IL33: variants seen among roughly 807,000 people sequenced by gnomAD.
IL33 encodes the protein interleukin-33.
A neutral mutation model predicts 27.3 loss-of-function variants in IL33; 37 were observed. That is an observed-to-expected ratio of 1.36 (90% CI 1.04 to 1.78). IL33 has a LOEUF of 1.78. IL33 is among the 40% of genes most tolerant of loss of function. The pLI is 0.00. For missense variants in IL33, 406 were observed against 311.4 expected, an observed-to-expected ratio of 1.30 and a Z score of -2.29; for synonymous variants, 132 against 102.9, an observed-to-expected ratio of 1.28 and a Z score of -1.71.
At position 6,229,120 on chromosome 9, in the gene IL33, G is replaced by T. The variant is rs1178055945; in HGVS notation, c.-11-12564G>T. 2.6e-5 allele frequency among the ~76,000 whole-genome samples: 4 copies of T among 152,194 alleles called. No homozygotes were observed. In the South Asian group the frequency reaches 8.3e-4, roughly 32 times the overall value. ...AGAAGGAAATAAATGAGCTAAATGA[G>T]GAACCTGTACAGGAGCACAGGAAAG... is the stretch of plus-strand genomic sequence containing the variant. On this transcript the variant is annotated intron_variant, in intron 1 of 7. Transcript: ENST00000682010.
Position 6,224,818 on chromosome 9 carries a change from T to G in IL33, c.-12+8966T>G, listed in dbSNP as rs548009731. ...CTTGCAAACTGTTTTCCTTTGTGGATCTAAGGTATGAACTTTTCAGAAAAC... is the reference window on the plus strand; with the variant it reads ...CTTGCAAACTGTTTTCCTTTGTGGAGCTAAGGTATGAACTTTTCAGAAAAC... On this transcript the variant is annotated intron_variant, in intron 1 of 7. Transcript: ENST00000682010. Among the ~76,000 whole-genome samples the G allele has an allele frequency of 3.7e-4, 56 of 152,302 alleles. No individual in the cohort carries two copies. The South Asian group carries it at 0.011, about 30-fold the overall frequency.
intron 1 of IL33, among the ~76,000 whole-genome samples, chr9:6,237,283 G>T (rs1055329283): frequency 1.3e-5 from 2 of 152,150 alleles, no homozygotes; most frequent in African/African-American, 4.8e-5. Context: ...GTCAATTTTA[G>T]TATGAAAAAA....
intron 1 of IL33, among the ~76,000 whole-genome samples, chr9:6,217,879 C>T (rs1041302231): frequency 6.8e-6 from 1 of 146,852 alleles, no homozygotes; most frequent in African/African-American, 2.4e-5. Context: ...AGGGCAAAGA[C>T]CCGTATTTCC....
chr9:6,243,924 A>G (rs946909547), intron 2 of IL33, among the ~76,000 whole-genome samples: 6 of 152,186 alleles, frequency 3.9e-5, no homozygotes, highest in Non-Finnish European at 5.9e-5. Flanking sequence ...GAAAGCACTA[A>G]TTTGACTGTG....
At position 6,257,419 on chromosome 9, in the gene IL33, C is replaced by T. The variant is rs1235303091; in HGVS notation, c.*1251C>T. 6.6e-6 allele frequency: 1 copy of T among 152,578 alleles called. No homozygotes were observed. Among genetic ancestry groups the T allele is most frequent in the Non-Finnish European group, 1.5e-5 (1 of 68,016 alleles). The allele number at this position is 152,578 out of a possible 1,614,324, so 9.5% of individuals were successfully genotyped here. A position where few individuals can be genotyped will look rare whatever the true frequency, so the allele number is the denominator to read the frequency against. On this transcript the variant is annotated 3_prime_UTR_variant, in exon 8 of 8. Transcript: ENST00000682010. The stretch of plus-strand genomic sequence containing the variant: ...ACCTCTGGATGCCAAAACGTTTATT[C>T]TGCTTTGTCTGTTGTAGAATTTTAG...
At chr9:6,225,526 T>C (rs150652056) in intron 1 of IL33, among the ~76,000 whole-genome samples, 58 of 151,964 alleles carry the variant, frequency 3.8e-4, no homozygotes, top group Middle Eastern at 3.4e-3. Context: ...AAATAAGGAG[T>C]TTTAGGCCAC....
chr9:6,250,293 A>G (rs1446450391), intron 2 of IL33, among the ~76,000 whole-genome samples, 181 bp from the exon 3 acceptor site: 1 of 152,174 alleles, frequency 6.6e-6, no homozygotes. Context: ...TGTGCACTAT[A>G]TGCTCTATAT....
At chr9:6,232,042 C>A (rs776896343) in intron 1 of IL33, among the ~76,000 whole-genome samples, 1 of 152,158 alleles carries the variant, frequency 6.6e-6, no homozygotes, top group Admixed American at 6.5e-5. Flanking sequence ...GTCCAACAGC[C>A]AACTTAACAT....
At chr9:6,225,291 G>A (rs1336882103) in intron 1 of IL33, among the ~76,000 whole-genome samples, 1 of 152,168 alleles carries the variant, frequency 6.6e-6, no homozygotes, top group African/African-American at 2.4e-5. Flanking sequence ...TCACCAAAAA[G>A]TTCCATGATA....
At chr9:6,244,436 C>T (rs1229857908) in intron 2 of IL33, among the ~76,000 whole-genome samples, 1 of 152,050 alleles carries the variant, frequency 6.6e-6, no homozygotes, top group Non-Finnish European at 1.5e-5. Context: ...TTTTTTCCTA[C>T]AGATACATAC....
At chr9:6,228,124 C>T (rs757446198) in intron 1 of IL33, among the ~76,000 whole-genome samples, 1 of 152,150 alleles carries the variant, frequency 6.6e-6, no homozygotes, top group African/African-American at 2.4e-5. Context: ...GTTCTTGGCA[C>T]ATAGTAAACA....
intron 1 of IL33, among the ~76,000 whole-genome samples, chr9:6,225,697 T>G (rs1010167932): frequency 6.6e-6 from 1 of 152,164 alleles, no homozygotes; most frequent in Non-Finnish European, 1.5e-5. Flanking sequence ...TTTATTGTCC[T>G]CAATGACTGA....
Position 6,256,668 on chromosome 9 carries a change from A to T in IL33, c.*500A>T, listed in dbSNP as rs1255272612. The T allele has an allele frequency of 4.4e-6, 1 of 225,348 alleles. No homozygotes were observed. The highest frequency in any genetic ancestry group is 8.5e-6 in the Non-Finnish European group (1 of 117,284). The allele number at this position is 225,348 out of a possible 1,614,324, so 14.0% of individuals were successfully genotyped here. A position where few individuals can be genotyped will look rare whatever the true frequency, so the allele number is the denominator to read the frequency against. On this transcript the variant is annotated 3_prime_UTR_variant, in exon 8 of 8. Coordinates refer to ENST00000682010, the MANE Select transcript of IL33 (RefSeq NM_033439.4). ...AATTATCATTTTTTCAACTGGAATA[A>T]AACACCAGGTTTGTTTGTAGATGTC... is the stretch of plus-strand genomic sequence containing the variant.
At position 6,233,069 on chromosome 9, in the gene IL33, T is replaced by C. The variant is rs536699234; in HGVS notation, c.-11-8615T>C. ...AGTGTACGGTTCAGTGGCATTCACA[T>C]TGTTGTACAACCATAACCACTCTCC... On this transcript the variant is annotated intron_variant, in intron 1 of 7. Transcript: ENST00000682010. Among the ~76,000 whole-genome samples, 657 of 152,324 alleles carry C rather than the reference T, an allele frequency of 4.3e-3. 7 individuals carry two copies. Among genetic ancestry groups the C allele is most frequent in the African/African-American group, 0.015 (636 of 41,574 alleles).
At chr9:6,246,312 C>T (rs1819853006) in intron 2 of IL33, among the ~76,000 whole-genome samples, 1 of 151,912 alleles carries the variant, frequency 6.6e-6, no homozygotes, top group African/African-American at 2.4e-5. Context: ...GCCTGTAATC[C>T]CAGCACTTTG....
At chr9:6,247,543 G>A (rs574806856) in intron 2 of IL33, among the ~76,000 whole-genome samples, 522 of 152,226 alleles carry the variant, frequency 3.4e-3, no homozygotes, top group African/African-American at 0.012. Flanking sequence ...ATCCCTGAGG[G>A]ATTCATGCTG....
chr9:6,245,966 G>T lies in IL33; in HGVS notation c.91+4181G>T, dbSNP rs375535214. 4.7e-5 allele frequency among the ~76,000 whole-genome samples: 7 copies of T among 148,430 alleles called. 1 individual carries two copies. In the East Asian group the frequency reaches 8.2e-4, roughly 17 times the overall value. On this transcript the variant is annotated intron_variant, in intron 2 of 7. Coordinates refer to ENST00000682010, the MANE Select transcript of IL33 (RefSeq NM_033439.4). ...TAGTCCCAGCCACTTGGGAGGCTGA[G>T]GCAGGAGAATGGCATGAACTCGGGA...
At chr9:6,244,090 C>T (rs1367931178) in intron 2 of IL33, among the ~76,000 whole-genome samples, 1 of 152,124 alleles carries the variant, frequency 6.6e-6, no homozygotes, top group East Asian at 1.9e-4. Flanking sequence ...AGTATGGGCT[C>T]TTTATAGAAA....
chr9:6,222,205 A>G (rs1177151876), intron 1 of IL33, among the ~76,000 whole-genome samples: 3 of 152,224 alleles, frequency 2.0e-5, no homozygotes, highest in African/African-American at 7.2e-5. Context: ...ATGAGAAGAA[A>G]GCCTCTGTAC....
Sources: gnomAD v4.1 joint callset for allele counts (sites outside exome capture counted in the v4.1 genomes callset) on GRCh38, gnomAD v4.1.1 for gene constraint, MANE v1.5 for transcripts, NCBI Gene and HGNC (gene_info 2026-07-23, HGNC 2026-07-21) for gene names.